TGFBI: variants seen among roughly 807,000 people sequenced by gnomAD.
The protein encoded by TGFBI is transforming growth factor beta induced, also known as transforming growth factor-beta-induced protein ig-h3.
TGFBI carries 50 observed loss-of-function variants against 73.7 expected under a neutral mutation model. The ratio of observed to expected loss-of-function variants is 0.68; its 90% CI spans 0.54 to 0.86. TGFBI has a LOEUF of 0.86. TGFBI is among the 40% of genes least tolerant of loss of function. TGFBI has a pLI of 0.00. For synonymous variants in TGFBI, 362 were observed against 360.5 expected (o/e 1.00, Z -0.05); for missense variants, 839 against 877.0 (o/e 0.96, Z 0.55).
At chr5:136,046,677 T>C in intron 4 of TGFBI, 174 bp from the exon 5 acceptor site, 1 of 1,198,270 alleles carries the variant, frequency 8.3e-7, no homozygotes, top group Non-Finnish European at 1.1e-6. Flanking sequence ...TTGCGTCTAA[T>C]GCCCCCCGTT....
chr5:136,053,216 G>A (rs960315858), intron 8 of TGFBI, 97 bp downstream of exon 8: 22 of 1,190,510 alleles, frequency 1.8e-5, no homozygotes, highest in African/African-American at 6.0e-5. Flanking sequence ...ATCTTTGGGC[G>A]ACTTCCCTGC....
chr5:136,030,935 T>C (rs1335887648), intron 1 of TGFBI, among the ~76,000 whole-genome samples: 1 of 152,200 alleles, frequency 6.6e-6, no homozygotes, highest in Non-Finnish European at 1.5e-5. Context: ...AGCAAACCTC[T>C]TTCCCTTCAG....
chr5:136,063,357 G>C lies in TGFBI; in HGVS notation c.*131G>C. On this transcript the variant is annotated 3_prime_UTR_variant, in exon 17 of 17. Transcript: ENST00000442011. ...ATGTACATGGGCCGCACCATAATGA[G>C]ATGTGAGCCTTGTGCATGTGGGGGA... is the stretch of plus-strand genomic sequence containing the variant. 1.3e-6 allele frequency: 1 copy of C among 799,648 alleles called. No individual in the cohort carries two copies. 49.5% of individuals were successfully genotyped at this position (799,648 alleles called of 1,614,324 possible). A position where few individuals can be genotyped will look rare whatever the true frequency, so the allele number is the denominator to read the frequency against.
chr5:136,030,581 T>C (rs1751101174), intron 1 of TGFBI, among the ~76,000 whole-genome samples: 1 of 152,054 alleles, frequency 6.6e-6, no homozygotes, highest in Non-Finnish European at 1.5e-5. Context: ...AGTGGGAGAA[T>C]CAGCTTTGAC....
At position 136,033,778 on chromosome 5, in the gene TGFBI, T is replaced by A. The variant is rs769410908; in HGVS notation, c.150T>A (p.Ala50=). The change falls in exon 2 of 17, where the codon GCT becomes GCA. Residue 50 remains alanine (A), a synonymous_variant. Transcript: ENST00000442011. Reference sequence around the variant, plus strand: ...TTGTTTTCAGCCCCAACGTGTGTGCTGTGCAGAAGGTTATTGGCACTAATA... The same window carrying A: ...TTGTTTTCAGCCCCAACGTGTGTGCAGTGCAGAAGGTTATTGGCACTAATA... ...RGRQHGPNVC[A]VQKVIGTNRK... 4 of 1,613,972 alleles carry A rather than the reference T, an allele frequency of 2.5e-6. No homozygotes were observed. In the South Asian group the frequency reaches 4.4e-5, roughly 18 times the overall value.
intron 2 of TGFBI, among the ~76,000 whole-genome samples, 197 bp downstream of exon 2, chr5:136,034,058 G>C (rs1341986738): frequency 6.6e-6 from 1 of 152,140 alleles, no homozygotes; most frequent in Non-Finnish European, 1.5e-5. Flanking sequence ...TTTTAAGGCT[G>C]CTGACAAGAC....
At chr5:136,034,343 A>C (rs535631745) in intron 2 of TGFBI, among the ~76,000 whole-genome samples, 2 of 151,968 alleles carry the variant, frequency 1.3e-5, no homozygotes, top group African/African-American at 4.8e-5. Flanking sequence ...ATTTGCACAG[A>C]CTTCCTCATT....
chr5:136,038,036 G>A (rs185785950), intron 2 of TGFBI, among the ~76,000 whole-genome samples: 20 of 152,306 alleles, frequency 1.3e-4, no homozygotes, highest in African/African-American at 4.6e-4. Flanking sequence ...TCATATCCCT[G>A]TGCAGCCAGC....
At chr5:136,050,576 C>G (rs1158944120) in intron 7 of TGFBI, among the ~76,000 whole-genome samples, 1 of 152,200 alleles carries the variant, frequency 6.6e-6, no homozygotes, top group East Asian at 1.9e-4. Context: ...GAGCACAAAG[C>G]TGCTGCCTGA....
chr5:136,033,910 G>A, intron 2 of TGFBI, 49 bp downstream of exon 2: 2 of 1,502,880 alleles, frequency 1.3e-6, no homozygotes, highest in Non-Finnish European at 1.8e-6. Flanking sequence ...CACGCTGGCT[G>A]CAGTTCCCCA....
chr5:136,051,801 A>G (rs559418014), intron 7 of TGFBI, among the ~76,000 whole-genome samples: 62 of 152,248 alleles, frequency 4.1e-4, no homozygotes, highest in South Asian at 3.9e-3. Context: ...AAGAAGCTCA[A>G]TCCCCAAGGC....
intron 2 of TGFBI, among the ~76,000 whole-genome samples, chr5:136,035,248 G>A (rs891788059): frequency 1.3e-5 from 2 of 152,128 alleles, no homozygotes; most frequent in African/African-American, 4.8e-5. Context: ...GACACCCAGC[G>A]ATATTCTTGC....
chr5:136,055,688 C>T lies in TGFBI; in HGVS notation c.1419C>T (p.Cys473=). ...LRVFVYRNSL[C]IENSCIAAHD... The stretch of plus-strand genomic sequence containing the variant: ...GTCCCTCTTCTGTGCAGAGCCTCTG[C>T]ATTGAGAACAGCTGCATCGCGGCCC... The change falls in exon 11 of 17, where the codon TGC becomes TGT. Residue 473 remains cysteine (C), a synonymous_variant. Transcript: ENST00000442011. 3.1e-6 allele frequency: 5 copies of T among 1,603,112 alleles called. No individual in the cohort carries two copies. Among genetic ancestry groups the T allele is most frequent in the Non-Finnish European group, 3.4e-6 (4 of 1,171,558 alleles).
intron 9 of TGFBI, 37 bp downstream of exon 9, chr5:136,054,117 G>A (rs756922081): frequency 1.2e-6 from 2 of 1,600,298 alleles, no homozygotes; most frequent in South Asian, 2.2e-5. Context: ...GATTGTCCCT[G>A]GAGGCAGCTT....
At chr5:136,030,292 A>T (rs1751093418) in intron 1 of TGFBI, among the ~76,000 whole-genome samples, 1 of 152,198 alleles carries the variant, frequency 6.6e-6, no homozygotes, top group African/African-American at 2.4e-5. Context: ...GTTGGGGGTG[A>T]TAGAGTTGAC....
intron 2 of TGFBI, among the ~76,000 whole-genome samples, chr5:136,040,932 G>A (rs1449334995): frequency 6.6e-6 from 1 of 152,202 alleles, no homozygotes; most frequent in Non-Finnish European, 1.5e-5. Context: ...AGGGAGCATG[G>A]CACACTGAGC....
intron 14 of TGFBI, chr5:136,061,153 GCCCAGCTATATTAGCT>G: frequency 1.7e-6 from 1 of 588,502 alleles, no homozygotes; most frequent in Non-Finnish European, 3.0e-6. Context: ...TTGCGGAGTT[GCCCAGCTATATTAGCT>G]CCCCTCGGAC....
intron 12 of TGFBI, among the ~76,000 whole-genome samples, chr5:136,058,072 G>A (rs562185235): frequency 1.3e-5 from 2 of 152,224 alleles, no homozygotes; most frequent in East Asian, 3.9e-4. Flanking sequence ...AGGTGTTAGA[G>A]ATATTGAAAG....
intron 7 of TGFBI, among the ~76,000 whole-genome samples, chr5:136,051,063 G>T (rs968531589): frequency 7.2e-5 from 11 of 152,166 alleles, no homozygotes; most frequent in African/African-American, 2.7e-4. Context: ...ATAGCCTTAA[G>T]GGGCCCAAAG....
Sources: gnomAD v4.1 joint callset for allele counts (sites outside exome capture counted in the v4.1 genomes callset) on GRCh38, gnomAD v4.1.1 for gene constraint, MANE v1.5 for transcripts, NCBI Gene and HGNC (gene_info 2026-07-23, HGNC 2026-07-21) for gene names.